The following ARHGEF3 variants were observed in gnomAD, a reference collection of about 807,000 sequenced individuals.
The protein encoded by ARHGEF3 is Rho guanine nucleotide exchange factor 3, also known as 59.8 kDA protein.
Under a neutral mutation model 63.2 loss-of-function variants are expected in ARHGEF3, and 28 were observed. The ratio of observed to expected loss-of-function variants is 0.44; its 90% CI spans 0.33 to 0.61. The LOEUF (loss-of-function observed/expected upper bound fraction) is 0.61, where lower values mean the gene tolerates loss of function less well. Among genes scored for constraint, ARHGEF3 ranks in the 20% least tolerant of loss-of-function variants. The pLI is 0.03. For synonymous variants in ARHGEF3, 266 were observed against 254.2 expected, an observed-to-expected ratio of 1.05 and a Z score of -0.44; for missense variants, 533 against 659.3, an observed-to-expected ratio of 0.81 and a Z score of 2.10.
intron 4 of ARHGEF3, among the ~76,000 whole-genome samples, chr3:56,867,698 T>C (rs940155403): frequency 2.6e-5 from 4 of 152,166 alleles, no homozygotes; most frequent in Non-Finnish European, 4.4e-5. Flanking sequence ...CTCGAGCTCC[T>C]GAGCTCAAGC....
intron 2 of ARHGEF3, among the ~76,000 whole-genome samples, chr3:56,967,168 T>C (rs1411643780): frequency 6.8e-6 from 1 of 146,212 alleles, no homozygotes; most frequent in Non-Finnish European, 1.5e-5. Flanking sequence ...CAGCCTTTTT[T>C]TTTTTAAATA....
At chr3:56,915,951 T>A (rs540698516) in intron 3 of ARHGEF3, among the ~76,000 whole-genome samples, 1 of 152,302 alleles carries the variant, frequency 6.6e-6, no homozygotes, top group South Asian at 2.1e-4. Context: ...CTTACAAAAA[T>A]TAAAACAGTA....
intron 3 of ARHGEF3, among the ~76,000 whole-genome samples, chr3:56,927,950 C>T (rs1560057743): frequency 2.0e-5 from 3 of 152,064 alleles, no homozygotes; most frequent in Admixed American, 2.0e-4. Flanking sequence ...AATGAGAAAA[C>T]CTGAGGTTCA....
At chr3:56,919,823 A>G (rs1395195217) in intron 3 of ARHGEF3, among the ~76,000 whole-genome samples, 2 of 152,206 alleles carry the variant, frequency 1.3e-5, no homozygotes, top group East Asian at 1.9e-4. Flanking sequence ...CTGAGACTCA[A>G]AAAGGTGGTG....
chr3:56,820,837 T>C (rs1478567914), intron 4 of ARHGEF3, among the ~76,000 whole-genome samples: 2 of 152,054 alleles, frequency 1.3e-5, no homozygotes, highest in Non-Finnish European at 1.5e-5. Context: ...TTATTGTTAA[T>C]CTTGTCAGAT....
chr3:56,979,543 C>T (rs866068076), intron 2 of ARHGEF3, among the ~76,000 whole-genome samples: 4 of 152,208 alleles, frequency 2.6e-5, no homozygotes, highest in South Asian at 4.1e-4. Flanking sequence ...GGCACAGGCC[C>T]AGGAATAAAG....
chr3:56,798,125 T>C (rs940526299), intron 1 of ARHGEF3, among the ~76,000 whole-genome samples: 1 of 152,206 alleles, frequency 6.6e-6, no homozygotes, highest in Non-Finnish European at 1.5e-5. Context: ...CAGAGCTCTG[T>C]CATTTCTAGG....
intron 2 of ARHGEF3, among the ~76,000 whole-genome samples, chr3:56,965,507 T>C (rs1462710966): frequency 6.6e-6 from 1 of 152,196 alleles, no homozygotes; most frequent in Non-Finnish European, 1.5e-5. Flanking sequence ...TTCAATCTTA[T>C]ACAAACTTCT....
intron 2 of ARHGEF3, among the ~76,000 whole-genome samples, chr3:56,971,337 C>A (rs1027216350): frequency 6.6e-6 from 1 of 152,126 alleles, no homozygotes; most frequent in Non-Finnish European, 1.5e-5. Flanking sequence ...TCTGTATTCA[C>A]CCCAGTCATC....
intron 7 of ARHGEF3, among the ~76,000 whole-genome samples, chr3:56,740,232 T>G (rs2033926692): frequency 6.6e-6 from 1 of 151,658 alleles, no homozygotes; most frequent in Non-Finnish European, 1.5e-5. Context: ...CTTTTCTCTA[T>G]TTCTCAAATG....
intron 1 of ARHGEF3, among the ~76,000 whole-genome samples, chr3:56,792,148 T>G (rs6775220): frequency 0.024 from 1,687 of 70,770 alleles, 31 homozygotes; most frequent in African/African-American, 0.13. Context: ...GAAAAGAAAA[T>G]AACTGACTAC....
intron 2 of ARHGEF3, among the ~76,000 whole-genome samples, chr3:56,992,416 A>C (rs1166987892): frequency 5.4e-5 from 7 of 129,138 alleles, no homozygotes; most frequent in African/African-American, 5.7e-5. Context: ...AAAAAAAAAC[A>C]GAAAGAAGGT....
intron 2 of ARHGEF3, among the ~76,000 whole-genome samples, chr3:57,027,013 G>C (rs1303465163): frequency 1.3e-5 from 2 of 152,150 alleles, no homozygotes; most frequent in Non-Finnish European, 2.9e-5. Flanking sequence ...GTTAGAAATT[G>C]TCACAGAGAA....
At chr3:56,885,966 C>T (rs1159250005) in intron 3 of ARHGEF3, among the ~76,000 whole-genome samples, 1 of 152,138 alleles carries the variant, frequency 6.6e-6, no homozygotes, top group African/African-American at 2.4e-5. Context: ...GCTCTGTGTT[C>T]ACTGAGCACT....
intron 2 of ARHGEF3, among the ~76,000 whole-genome samples, chr3:56,756,012 T>C (rs1013323685): frequency 6.6e-6 from 1 of 152,204 alleles, no homozygotes. Context: ...TTCTGTCAAC[T>C]TGAAAAGTCC....
intron 3 of ARHGEF3, among the ~76,000 whole-genome samples, chr3:56,948,687 T>C (rs2106663505): frequency 6.6e-6 from 1 of 152,296 alleles, no homozygotes; most frequent in South Asian, 2.1e-4. Flanking sequence ...CACAGCCGAA[T>C]TCTACCAGAG....
intron 2 of ARHGEF3, among the ~76,000 whole-genome samples, chr3:56,773,347 G>A (rs148709230): frequency 1.3e-5 from 2 of 152,210 alleles, no homozygotes; most frequent in African/African-American, 4.8e-5. Context: ...GCAGTTTGCC[G>A]ACCCTGGTTG....
chr3:57,073,406 G>A (rs1706041948), intron 1 of ARHGEF3: 1 of 349,906 alleles, frequency 2.9e-6, no homozygotes, highest in East Asian at 4.7e-5. Flanking sequence ...CTGGAGTTGG[G>A]CAGCGTGGGA....
rs367818190 is a variant in ARHGEF3, at chr3:56,907,325, G to A, written c.130-24971C>T. Reference sequence around the variant, plus strand: ...ACAACACTGCTCCAGAGGGCACAACGCTATGGAGGCCCGATTTTAGCATCT... The same window carrying A: ...ACAACACTGCTCCAGAGGGCACAACACTATGGAGGCCCGATTTTAGCATCT... On this transcript the variant is annotated intron_variant, in intron 3 of 12. Transcript: ENST00000338458. Among the ~76,000 whole-genome samples, 22 of 152,256 alleles carry A rather than the reference G, an allele frequency of 1.4e-4. 1 individual carries two copies. In the South Asian group the frequency reaches 3.5e-3, roughly 24 times the overall value.
Sources: gnomAD v4.1 joint callset for allele counts (sites outside exome capture counted in the v4.1 genomes callset) on GRCh38, gnomAD v4.1.1 for gene constraint, MANE v1.5 for transcripts, NCBI Gene and HGNC (gene_info 2026-07-23, HGNC 2026-07-21) for gene names.